The following MAGED1 variants were observed in gnomAD, a reference collection of about 807,000 sequenced individuals.
The protein encoded by MAGED1 is MAGE family member D1, also known as melanoma-associated antigen D1.
Under a neutral mutation model 54.1 loss-of-function variants are expected in MAGED1, and 3 were observed. That is an observed-to-expected ratio of 0.06 (90% CI 0.03 to 0.14). The LOEUF is 0.14. Ranked by LOEUF, MAGED1 falls within the 10% of genes least tolerant of loss-of-function variation. MAGED1 has a pLI of 1.00. For synonymous variants in MAGED1, 217 were observed against 227.3 expected (o/e 0.95, Z 0.41); for missense variants, 485 against 623.4 (o/e 0.78, Z 2.36).
rs1463194828 is a variant in MAGED1, at chrX:51,843,681, AT to A, written c.-37+40571del. On this transcript the variant is annotated intron_variant, in intron 1 of 12. Coordinates refer to the MAGED1 transcript ENST00000375772. Reference sequence around the variant, plus strand: ...TGTTTTAGCTACTAAGTTTTTGGTAATTTTTTTATATTAGCAGTAAGAAACC... The same window carrying A: ...TGTTTTAGCTACTAAGTTTTTGGTAATTTTTTATATTAGCAGTAAGAAACC... Among the ~76,000 whole-genome samples the A allele has an allele frequency of 1.8e-4, 20 of 111,711 alleles. No individual in the cohort carries two copies. In the Admixed American group the frequency reaches 1.9e-3, roughly 11 times the overall value.
chrX:51,843,388 A>G (rs1409665521), intron 1 of MAGED1, among the ~76,000 whole-genome samples: 1 of 111,674 alleles, frequency 9.0e-6, no homozygotes, highest in Admixed American at 9.5e-5. Context: ...TAAGATGGAG[A>G]CAGGGGAATT....
intron 1 of MAGED1, among the ~76,000 whole-genome samples, chrX:51,842,893 C>T (rs1288969852): frequency 9.2e-6 from 1 of 108,754 alleles, no homozygotes; most frequent in Non-Finnish European, 1.9e-5. Context: ...TGGGGTTTCA[C>T]CATGTTGCCC....
intron 1 of MAGED1, among the ~76,000 whole-genome samples, chrX:51,873,534 T>TGTGAGAGAGAGA (rs1557361798): frequency 4.3e-4 from 39 of 90,579 alleles, no homozygotes; most frequent in African/African-American, 1.5e-3. Flanking sequence ...TGTGTGTGTG[T>TGTGAGAGAGAGA]GAGAGAGAGA....
At chrX:51,806,324 C>T (rs1454216035) in intron 1 of MAGED1, among the ~76,000 whole-genome samples, 2 of 111,589 alleles carry the variant, frequency 1.8e-5, no homozygotes, top group East Asian at 2.8e-4. Flanking sequence ...GCATCAAGAT[C>T]GGGAAATTTT....
At chrX:51,830,576 C>A (rs1926026388) in intron 1 of MAGED1, among the ~76,000 whole-genome samples, 1 of 108,756 alleles carries the variant, frequency 9.2e-6, no homozygotes, top group African/African-American at 3.4e-5. Context: ...AAGGTAGTAC[C>A]TGGAGAAAGA....
At chrX:51,894,910 G>C (rs1220387692) in intron 2 of MAGED1, 143 bp from the exon 3 acceptor site, 1 of 921,307 alleles carries the variant, frequency 1.1e-6, no homozygotes, top group Admixed American at 3.4e-5. Flanking sequence ...GGGCCCCCTA[G>C]ATCTCTGCCT....
At chrX:51,865,927 T>G (rs1927445305) in intron 1 of MAGED1, among the ~76,000 whole-genome samples, 1 of 111,735 alleles carries the variant, frequency 8.9e-6, no homozygotes, top group African/African-American at 3.3e-5. Flanking sequence ...TTCCTCCTGC[T>G]CTGGCCATGT....
At chrX:51,843,429 A>C (rs1557358931) in intron 1 of MAGED1, among the ~76,000 whole-genome samples, 5 of 111,379 alleles carry the variant, frequency 4.5e-5, no homozygotes. Context: ...TAAGACTGAC[A>C]AGTGGTCAGA....
At chrX:51,843,152 A>G (rs952791422) in intron 1 of MAGED1, among the ~76,000 whole-genome samples, 3 of 111,808 alleles carry the variant, frequency 2.7e-5, no homozygotes, top group African/African-American at 9.8e-5. Flanking sequence ...CCTTTCTTAG[A>G]CATGAGCCAG....
intron 1 of MAGED1, among the ~76,000 whole-genome samples, chrX:51,851,350 G>A (rs782273474): frequency 1.1e-4 from 12 of 111,587 alleles, no homozygotes; most frequent in African/African-American, 2.9e-4. Flanking sequence ...CTAATTTGCC[G>A]GAATAAATCC....
At chrX:51,817,246 G>A (rs938040725) in intron 1 of MAGED1, among the ~76,000 whole-genome samples, 3 of 111,675 alleles carry the variant, frequency 2.7e-5, no homozygotes, top group Non-Finnish European at 5.6e-5. Flanking sequence ...CTACAAATAT[G>A]GAAACCCATG....
chrX:51,837,136 A>G (rs1173899454), intron 1 of MAGED1, among the ~76,000 whole-genome samples: 5 of 111,346 alleles, frequency 4.5e-5, no homozygotes, highest in African/African-American at 1.3e-4. Flanking sequence ...ACCATTTCTC[A>G]AGGATTATTG....
intron 1 of MAGED1, among the ~76,000 whole-genome samples, chrX:51,814,135 A>C (rs1925320197): frequency 9.0e-6 from 1 of 111,387 alleles, no homozygotes; most frequent in Admixed American, 9.5e-5. Flanking sequence ...AGCAGTCATC[A>C]GGGAGTGAAA....
At position 51,896,581 on chromosome X, in the gene MAGED1, A is replaced by G. The variant is rs1557364271; in HGVS notation, c.926A>G (p.Gln309Arg). 4 of 1,210,134 alleles carry G rather than the reference A, an allele frequency of 3.3e-6. No homozygotes were observed. The highest frequency in any genetic ancestry group is 4.6e-4 in the Middle Eastern group (2 of 4,356). The change falls in exon 4 of 13, where the codon CAA becomes CGA. Residue 309 changes from glutamine to arginine, a missense_variant. Gln to Arg is a conservative substitution (Grantham distance 43, BLOSUM62 1). Coordinates refer to ENST00000326587, the MANE Select transcript of MAGED1 (RefSeq NM_006986.4). ...PLAWQNPSGW[Q>R]NQTARQTPPA... ...GCTTGGCAGAACCCCTCAGGCTGGCAAAACCAGACAGCCAGGCAGACCCCA... is the reference window on the plus strand; with the variant it reads ...GCTTGGCAGAACCCCTCAGGCTGGCGAAACCAGACAGCCAGGCAGACCCCA...
chrX:51,897,135 C>T, intron 4 of MAGED1, 58 bp downstream of exon 4: 2 of 1,195,912 alleles, frequency 1.7e-6, no homozygotes, highest in African/African-American at 3.5e-5. Flanking sequence ...CTTTGTCATC[C>T]TCTCATCTGT....
At chrX:51,819,650 T>C (rs1557356357) in intron 1 of MAGED1, among the ~76,000 whole-genome samples, 1 of 111,368 alleles carries the variant, frequency 9.0e-6, no homozygotes, top group East Asian at 2.8e-4. Context: ...ATTACATTAT[T>C]TATATTTTTA....
chrX:51,899,343 A>G (rs1241773333), intron 10 of MAGED1: 2 of 110,709 alleles, frequency 1.8e-5, no homozygotes, highest in African/African-American at 6.6e-5. Flanking sequence ...GTGTTTCTCC[A>G]TGTTAGGCTG....
chrX:51,804,982 G>T (rs909301408), intron 1 of MAGED1, among the ~76,000 whole-genome samples: 4 of 111,747 alleles, frequency 3.6e-5, no homozygotes, highest in African/African-American at 1.3e-4. Context: ...TTAATTCAAC[G>T]CTCTGCATAC....
intron 1 of MAGED1, among the ~76,000 whole-genome samples, chrX:51,879,632 A>G (rs1927988333): frequency 9.0e-6 from 1 of 111,332 alleles, no homozygotes; most frequent in Non-Finnish European, 1.9e-5. Context: ...GAAAATTCTT[A>G]GCCATTATTA....
Sources: allele counts gnomAD v4.1 joint callset (sites outside exome capture counted in the v4.1 genomes callset), GRCh38; gene constraint gnomAD v4.1.1; transcripts MANE v1.5; gene names NCBI Gene and HGNC (gene_info 2026-07-23, HGNC 2026-07-21).